SDK1: variants seen among roughly 807,000 people sequenced by gnomAD.
SDK1 encodes protein sidekick-1.
In SDK1, 157 loss-of-function variants were observed where a neutral mutation model predicts 245.5. The observed-to-expected ratio is 0.64, with a 90% CI of 0.56 to 0.73. The LOEUF (loss-of-function observed/expected upper bound fraction) is 0.73, where lower values mean the gene tolerates loss of function less well. SDK1 is among the 30% of genes least tolerant of loss of function. SDK1 has a pLI of 0.00. For synonymous variants in SDK1, 1,647 were observed against 1,278.5 expected (o/e 1.29, Z -6.15); for missense variants, 3,583 against 3,002.3 (o/e 1.19, Z -4.52).
intron 1 of SDK1, among the ~76,000 whole-genome samples, chr7:3,362,471 A>G (rs1780980105): frequency 6.6e-6 from 1 of 152,142 alleles, no homozygotes; most frequent in African/African-American, 2.4e-5. Context: ...CAAACTCATA[A>G]TTCTTGGATT....
At chr7:3,360,626 T>C (rs1780925694) in intron 1 of SDK1, among the ~76,000 whole-genome samples, 2 of 152,220 alleles carry the variant, frequency 1.3e-5, no homozygotes, top group South Asian at 4.1e-4. Flanking sequence ...TAGGAATATA[T>C]GACAAGCTGG....
intron 4 of SDK1, among the ~76,000 whole-genome samples, chr7:3,749,840 G>A (rs1779727073): frequency 6.6e-6 from 1 of 151,690 alleles, no homozygotes; most frequent in South Asian, 2.1e-4. Flanking sequence ...TAAAATAGCA[G>A]CAATAAAAAT....
rs544632658 is a variant in SDK1, at chr7:3,925,814, C to T, written c.848-25109C>T. Reference sequence around the variant, plus strand: ...TGAGAAGACACCCACGCAGCCCTCCCACCATGCTGAAAAACATAGGGTCAG... The same window carrying T: ...TGAGAAGACACCCACGCAGCCCTCCTACCATGCTGAAAAACATAGGGTCAG... On this transcript the variant is annotated intron_variant, in intron 5 of 44. Transcript: ENST00000404826. 3.1e-3 allele frequency among the ~76,000 whole-genome samples: 472 copies of T among 152,340 alleles called. 1 individual carries two copies. Among genetic ancestry groups the T allele is most frequent in the Non-Finnish European group, 5.0e-3 (337 of 68,038 alleles).
At chr7:3,569,279 CA>C (rs914637473) in intron 1 of SDK1, among the ~76,000 whole-genome samples, 10 of 152,180 alleles carry the variant, frequency 6.6e-5, no homozygotes, top group African/African-American at 2.4e-4. Flanking sequence ...GGCAGATAGA[CA>C]AATGCTGAGA....
intron 28 of SDK1, among the ~76,000 whole-genome samples, chr7:4,137,468 TG>T (rs1779167941): frequency 6.6e-6 from 1 of 152,208 alleles, no homozygotes; most frequent in Non-Finnish European, 1.5e-5. Flanking sequence ...TGGACGGTTC[TG>T]GAACTTGTCT....
intron 5 of SDK1, among the ~76,000 whole-genome samples, chr7:3,866,617 C>G (rs769384955): frequency 3.3e-5 from 5 of 152,140 alleles, no homozygotes; most frequent in Non-Finnish European, 7.3e-5. Flanking sequence ...TCATGCAATT[C>G]CACGGAGGTC....
At chr7:3,583,959 G>A (rs1780600058) in intron 1 of SDK1, among the ~76,000 whole-genome samples, 2 of 152,254 alleles carry the variant, frequency 1.3e-5, no homozygotes, top group South Asian at 2.1e-4. Flanking sequence ...AAGGAATAAG[G>A]CTGGAACCCC....
At chr7:3,518,581 A>G (rs1451532411) in intron 1 of SDK1, among the ~76,000 whole-genome samples, 3 of 152,176 alleles carry the variant, frequency 2.0e-5, no homozygotes, top group Non-Finnish European at 2.9e-5. Flanking sequence ...TATGAAAAGT[A>G]TGCTCAACAT....
intron 14 of SDK1, among the ~76,000 whole-genome samples, chr7:3,988,368 C>T (rs73673207): frequency 0.055 from 8,322 of 151,860 alleles, 716 homozygotes; most frequent in African/African-American, 0.19. Context: ...CTCGCCAGGA[C>T]CACTGCAGCA....
At chr7:3,684,920 C>G (rs1414952728) in intron 4 of SDK1, among the ~76,000 whole-genome samples, 1 of 152,014 alleles carries the variant, frequency 6.6e-6, no homozygotes, top group Non-Finnish European at 1.5e-5. Flanking sequence ...GAGGACAGGT[C>G]AAGAATGTAG....
At chr7:4,263,258 T>A (rs1215184717) in intron 44 of SDK1, among the ~76,000 whole-genome samples, 1 of 143,966 alleles carries the variant, frequency 6.9e-6, no homozygotes. Flanking sequence ...GCCCACATCT[T>A]AGTCTCAGGC....
At chr7:3,870,585 CTT>C (rs999324254) in intron 5 of SDK1, among the ~76,000 whole-genome samples, 32 of 152,046 alleles carry the variant, frequency 2.1e-4, no homozygotes, top group African/African-American at 7.2e-4. Flanking sequence ...AAAAAGTAAA[CTT>C]TTAATTTTAA....
intron 4 of SDK1, among the ~76,000 whole-genome samples, chr7:3,758,427 T>C (rs574843574): frequency 1.3e-5 from 2 of 152,282 alleles, no homozygotes; most frequent in African/African-American, 4.8e-5. Flanking sequence ...AATATTTATG[T>C]TATTCTCTGG....
At chr7:4,179,178 C>G (rs1205092964) in intron 35 of SDK1, 1 of 152,398 alleles carries the variant, frequency 6.6e-6, no homozygotes, top group Non-Finnish European at 1.5e-5. Flanking sequence ...GTAATGAGAG[C>G]AACGCCATTC....
intron 1 of SDK1, among the ~76,000 whole-genome samples, chr7:3,485,998 AT>A (rs1487442167): frequency 6.6e-6 from 1 of 151,878 alleles, no homozygotes; most frequent in Non-Finnish European, 1.5e-5. Flanking sequence ...TTTATATAAT[AT>A]TGGACAGTTT....
chr7:4,203,977 C>T (rs1194538608), intron 35 of SDK1, among the ~76,000 whole-genome samples: 4 of 152,200 alleles, frequency 2.6e-5, no homozygotes, highest in Admixed American at 6.5e-5. Flanking sequence ...GCATGCGGGC[C>T]CCTAATTTAT....
At chr7:4,166,365 C>T (rs935541253) in intron 32 of SDK1, among the ~76,000 whole-genome samples, 4 of 152,236 alleles carry the variant, frequency 2.6e-5, no homozygotes, top group East Asian at 1.9e-4. Flanking sequence ...TTTCATTAAG[C>T]GCAGTGGGCT....
intron 2 of SDK1, among the ~76,000 whole-genome samples, chr7:3,630,062 G>A (rs1436870229): frequency 3.3e-5 from 5 of 152,058 alleles, no homozygotes; most frequent in African/African-American, 1.2e-4. Context: ...AAGCTATAGT[G>A]ATAGAACTAT....
chr7:3,302,512 A>C (rs1362240083), intron 1 of SDK1: 1 of 152,152 alleles, frequency 6.6e-6, no homozygotes, highest in African/African-American at 2.4e-5. Context: ...TGAGCTCTGA[A>C]ATAGGGAAAG....
Sources: allele counts gnomAD v4.1 joint callset (sites outside exome capture counted in the v4.1 genomes callset), GRCh38; gene constraint gnomAD v4.1.1; transcripts MANE v1.5; gene names NCBI Gene and HGNC (gene_info 2026-07-23, HGNC 2026-07-21).